PROKR2: variants seen among roughly 807,000 people sequenced by gnomAD.
PROKR2 encodes prokineticin receptor 2, also known as G protein-coupled receptor 73-like 1.
A neutral mutation model predicts 23.4 loss-of-function variants in PROKR2; 26 were observed. The observed-to-expected ratio is 1.11, with a 90% CI of 0.81 to 1.54. PROKR2 has a LOEUF of 1.54. Among genes scored for constraint, PROKR2 ranks in the 40% most tolerant of loss-of-function variants. The probability of loss-of-function intolerance (pLI) is 0.00; values close to 1 mark genes in which losing one functional copy is unlikely to be tolerated. For missense variants in PROKR2, 453 were observed against 511.5 expected, an observed-to-expected ratio of 0.89 and a Z score of 1.10; for synonymous variants, 212 against 201.2, an observed-to-expected ratio of 1.05 and a Z score of -0.45.
chr20:5,310,885 C>A (rs190562653), intron 2 of PROKR2, among the ~76,000 whole-genome samples: 24 of 152,328 alleles, frequency 1.6e-4, no homozygotes, highest in Admixed American at 1.4e-3. Context: ...TAGAAAACAT[C>A]GTTATTGTGC....
chr20:5,302,760 G>C, intron 2 of PROKR2, 24 bp from the exon 3 acceptor site: 6 of 1,568,384 alleles, frequency 3.8e-6, no homozygotes, highest in Non-Finnish European at 5.3e-6. Flanking sequence ...GAAGCCAACA[G>C]TAGTAATGAT....
intron 1 of PROKR2, chr20:5,315,981 C>T (rs1320171308): frequency 6.6e-6 from 3 of 456,568 alleles, no homozygotes; most frequent in East Asian, 7.0e-5. Flanking sequence ...CAGCCCCCTT[C>T]CCGCCCCATC....
intron 2 of PROKR2, among the ~76,000 whole-genome samples, chr20:5,310,751 A>G (rs1979411452): frequency 1.0e-5 from 1 of 97,716 alleles, no homozygotes; most frequent in South Asian, 3.4e-4. Context: ...TGCCACAGTG[A>G]AAGCTTGCTT....
rs769901726 is a variant in PROKR2 at position 5,302,331 on chromosome 20, C to G, written c.864G>C (p.Trp288Cys). 6.2e-7 allele frequency: 1 copy of G among 1,614,080 alleles called. No homozygotes were observed. Among genetic ancestry groups the G allele is most frequent in the African/African-American group, 1.3e-5 (1 of 74,926 alleles). ...MCILTAYVLCWAPFYGFTIVR... is the reference protein window; with the variant it reads ...MCILTAYVLCCAPFYGFTIVR... The stretch of plus-strand genomic sequence containing the variant: ...CGATGGTGAAACCGTAGAAGGGTGC[C>G]CAGCACAGCACATAGGCCGTGAGAA... The change falls in exon 3 of 3, where the codon TGG becomes TGC. Residue 288 changes from tryptophan to cysteine, a missense_variant. Trp to Cys is a radical substitution (Grantham distance 215, BLOSUM62 -2). Coordinates refer to ENST00000678254, the MANE Select transcript of PROKR2 (RefSeq NM_144773.4).
intron 2 of PROKR2, 68 bp from the exon 3 acceptor site, chr20:5,302,804 C>G: frequency 8.7e-7 from 1 of 1,152,514 alleles, no homozygotes; most frequent in Non-Finnish European, 1.3e-6. Context: ...TAACTAACCC[C>G]AAACATACAC....
At chr20:5,313,464 G>T (rs1294969565) in intron 2 of PROKR2, among the ~76,000 whole-genome samples, 1 of 152,240 alleles carries the variant, frequency 6.6e-6, no homozygotes, top group Non-Finnish European at 1.5e-5. Flanking sequence ...GTTGCCTGGT[G>T]GGGGAGGATT....
In PROKR2 at chr20:5,316,621, G is replaced by T. The variant is rs1009612809; in HGVS notation, c.-136C>A. Among the ~76,000 whole-genome samples the T allele has an allele frequency of 1.7e-4, 26 of 152,242 alleles. No individual in the cohort carries two copies. Among genetic ancestry groups the T allele is most frequent in the Non-Finnish European group, 3.5e-4 (24 of 68,040 alleles). On this transcript the variant is annotated 5_prime_UTR_variant, in exon 1 of 3. Coordinates refer to ENST00000678254, the MANE Select transcript of PROKR2 (RefSeq NM_144773.4). The surrounding 1 kb of genome is among the most constrained non-coding windows in gnomAD (Gnocchi z 5.0). ...GACCCGGACTTGCACTTGCAGAGCC[G>T]CTGCGTGGGGGATGTCCCTCTTTTT...
At chr20:5,303,419 G>A (rs961252822) in intron 2 of PROKR2, among the ~76,000 whole-genome samples, 1 of 152,158 alleles carries the variant, frequency 6.6e-6, no homozygotes, top group Admixed American at 6.5e-5. Context: ...TAAATGCCTT[G>A]CCCAAGCTCA....
rs138101742 is a variant in PROKR2 at position 5,302,196 on chromosome 20, G to A, written c.999C>T (p.Phe333=). The stretch of plus-strand genomic sequence containing the variant: ...TCATGGTGTTGTTCTTGACCGTCAC[G>A]AAGCACACGGTGTTGATCATGCTGT... ...MSNSMINTVC[F]VTVKNNTMKY... The change falls in exon 3 of 3, where the codon TTC becomes TTT. Residue 333 remains phenylalanine, a synonymous_variant. Transcript: ENST00000678254. 2.7e-5 allele frequency: 44 copies of A among 1,614,182 alleles called. No individual in the cohort carries two copies. In the African/African-American group the frequency reaches 4.5e-4, roughly 17 times the overall value.
At chr20:5,304,043 GT>G (rs775815793) in intron 2 of PROKR2, among the ~76,000 whole-genome samples, 10 of 152,078 alleles carry the variant, frequency 6.6e-5, no homozygotes, top group Non-Finnish European at 1.3e-4. Flanking sequence ...GGAGGGAGAG[GT>G]TCATCCCTAC....
Position 5,300,620 on chromosome 20 carries a change from A to C in PROKR2, c.*1420T>G, listed in dbSNP as rs900126921. 2.0e-5 allele frequency among the ~76,000 whole-genome samples: 3 copies of C among 152,238 alleles called. No homozygotes were observed. The highest frequency in any genetic ancestry group is 1.3e-4 in the Admixed American group (2 of 15,282). ...GGTATGAAGAGCGGATATTTTCATCATCGCCATTTCATTAAAGCAAAACTG... is the reference window on the plus strand; with the variant it reads ...GGTATGAAGAGCGGATATTTTCATCCTCGCCATTTCATTAAAGCAAAACTG... On this transcript the variant is annotated 3_prime_UTR_variant, in exon 3 of 3. Coordinates refer to ENST00000678254, the MANE Select transcript of PROKR2 (RefSeq NM_144773.4).
intron 2 of PROKR2, among the ~76,000 whole-genome samples, chr20:5,308,434 A>G (rs908564592): frequency 1.3e-5 from 2 of 152,248 alleles, no homozygotes; most frequent in Non-Finnish European, 2.9e-5. Flanking sequence ...GCTGCAGATA[A>G]CTAGCCCAAC....
chr20:5,301,998 T>C lies in PROKR2; in HGVS notation c.*42A>G. On this transcript the variant is annotated 3_prime_UTR_variant, in exon 3 of 3. Transcript: ENST00000678254. ...ACTTGGTTGATGGTGGGTGATGCTCTGAGTACTGGACTGGGGTTTTCAATT... is the reference window on the plus strand; with the variant it reads ...ACTTGGTTGATGGTGGGTGATGCTCCGAGTACTGGACTGGGGTTTTCAATT... 6.4e-7 allele frequency: 1 copy of C among 1,560,504 alleles called. No individual in the cohort carries two copies. The highest frequency in any genetic ancestry group is 8.8e-7 in the Non-Finnish European group (1 of 1,134,774).
rs186262380 is a variant in PROKR2, at chr20:5,309,097, C to T, written c.458+4815G>A. 2.6e-5 allele frequency among the ~76,000 whole-genome samples: 4 copies of T among 152,344 alleles called. No individual in the cohort carries two copies. The East Asian group carries it at 5.8e-4, about 22-fold the overall frequency. On this transcript the variant is annotated intron_variant, in intron 2 of 2. Transcript: ENST00000678254. ...ACCTTGCCAAATTAACCTGCATGAC[C>T]TGCCTGCATGGTACAAGGCTCACAG...
Position 5,314,375 on chromosome 20 carries a change from T to C in PROKR2, c.-6A>G. The C allele has an allele frequency of 1.2e-6, 2 of 1,613,548 alleles. No homozygotes were observed. The highest frequency in any genetic ancestry group is 1.7e-6 in the Non-Finnish European group (2 of 1,179,886). On this transcript the variant is annotated splice_region_variant and 5_prime_UTR_variant, in exon 2 of 3. Coordinates refer to ENST00000678254, the MANE Select transcript of PROKR2 (RefSeq NM_144773.4). ...TTTCCATTCTGGGCTGCCATGGTGA[T>C]GTCTGCAAGAAAAGTGGTGTGAGGG...
intron 1 of PROKR2, among the ~76,000 whole-genome samples, chr20:5,314,857 C>A (rs895301082): frequency 2.6e-5 from 4 of 152,230 alleles, no homozygotes; most frequent in Admixed American, 6.5e-5. Flanking sequence ...ATGAGCTGGC[C>A]AGGCTCCTAC....
chr20:5,301,660 T>C lies in PROKR2; in HGVS notation c.*380A>G, dbSNP rs1978994420. On this transcript the variant is annotated 3_prime_UTR_variant, in exon 3 of 3. Transcript: ENST00000678254. ...GCTACTTTGTTATGTTTTTTATATG[T>C]TTTTGATTGTAATCAAATCAAGTGT... 6.6e-6 allele frequency among the ~76,000 whole-genome samples: 1 copy of C among 152,232 alleles called. No individual in the cohort carries two copies. The highest frequency in any genetic ancestry group is 2.1e-4 in the South Asian group (1 of 4,834).
At chr20:5,315,178 G>C (rs183031781) in intron 1 of PROKR2, among the ~76,000 whole-genome samples, 16 of 151,366 alleles carry the variant, frequency 1.1e-4, no homozygotes, top group African/African-American at 3.9e-4. Context: ...GGAGGTGGTG[G>C]TGGGGTGGGG....
intron 2 of PROKR2, among the ~76,000 whole-genome samples, chr20:5,312,607 A>C (rs192560729): frequency 7.0e-4 from 107 of 152,340 alleles, no homozygotes; most frequent in African/African-American, 2.5e-3. Flanking sequence ...GTATTTTATT[A>C]CTAAAATGAA....
Sources: gnomAD v4.1 joint callset for allele counts (sites outside exome capture counted in the v4.1 genomes callset) on GRCh38, gnomAD v4.1.1 for gene constraint, Gnocchi (gnomAD v3.1) non-coding constraint, MANE v1.5 for transcripts, NCBI Gene and HGNC (gene_info 2026-07-23, HGNC 2026-07-21) for gene names.